Variants in TMEM201 observed in about 807,000 individuals in gnomAD.
The protein encoded by TMEM201 is transmembrane protein 201, also known as RP13-15M17.2.
TMEM201 carries 26 observed loss-of-function variants against 63.4 expected under a neutral mutation model. That is an observed-to-expected ratio of 0.41 (90% CI 0.30 to 0.57). The LOEUF is 0.57. Among genes scored for constraint, TMEM201 ranks in the 20% least tolerant of loss-of-function variants. TMEM201 has a pLI of 0.29. For missense variants in TMEM201, 794 were observed against 917.7 expected (o/e 0.87, Z 1.74); for synonymous variants, 417 against 421.6 (o/e 0.99, Z 0.14).
Position 9,602,170 on chromosome 1 carries a change from ACACGCTCAAGTTCAG to A in TMEM201, c.1062_1076del (p.Leu355_Thr359del), listed in dbSNP as rs761490756. 7.4e-6 allele frequency: 12 copies of A among 1,613,118 alleles called. No individual in the cohort carries two copies. The highest frequency in any genetic ancestry group is 2.5e-6 in the Non-Finnish European group (3 of 1,180,024). On this transcript the variant is annotated inframe_deletion, in exon 6 of 11. Transcript: ENST00000340381. ...CAGGCCGCCTCGCCTAGCTGGCTAG[ACACGCTCAAGTTCAG>A]CACCACATCTTTGTGCTGCCTGGTT...
chr1:9,601,139 T>C lies in TMEM201; in HGVS notation c.641T>C (p.Val214Ala). The C allele has an allele frequency of 6.2e-7, 1 of 1,600,622 alleles. No homozygotes were observed. The highest frequency in any genetic ancestry group is 8.6e-7 in the Non-Finnish European group (1 of 1,169,384). The change falls in exon 5 of 11, where the codon GTC becomes GCC. Residue 214 changes from valine to alanine, a missense_variant. Coordinates refer to ENST00000340381, the MANE Select transcript of TMEM201 (RefSeq NM_001130924.3). ...FSSAVKSPVQ[V>A]ILLRALAFLA... ...TCCGCCGTGAAGTCCCCGGTCCAGGTCATCCTGCTCCGTGCCCTCGCCTTC... is the reference window on the plus strand; with the variant it reads ...TCCGCCGTGAAGTCCCCGGTCCAGGCCATCCTGCTCCGTGCCCTCGCCTTC...
chr1:9,588,961 TG>T lies in TMEM201; in HGVS notation c.32del (p.Cys11SerfsTer29). 1 of 1,268,864 alleles carries T rather than the reference TG, an allele frequency of 7.9e-7. No homozygotes were observed. The highest frequency in any genetic ancestry group is 1.0e-6 in the Non-Finnish European group (1 of 989,266). 78.6% of individuals were successfully genotyped at this position (1,268,864 alleles called of 1,614,324 possible). Reference sequence around the variant, plus strand: ...GGGAGTGAGCGCGCTGCTGGCCCGCTGCCCCACGGCCGGCCTGGCCGGCGGC... The same window carrying T: ...GGGAGTGAGCGCGCTGCTGGCCCGCTCCCCACGGCCGGCCTGGCCGGCGGC... MEGVSALLARCPTAGLAGGLG... is the reference protein window; with the variant it reads MEGVSALLARXPTAGLAGGLG... On this transcript the variant is annotated frameshift_variant, in exon 1 of 11. Coordinates refer to ENST00000340381, the MANE Select transcript of TMEM201 (RefSeq NM_001130924.3). LOFTEE classifies it high-confidence loss of function.
Position 9,607,647 on chromosome 1 carries a change from G to C in TMEM201, c.1251G>C (p.Leu417=), listed in dbSNP as rs1176463224. ...GTGTCGGAGGCTCTCCAGCGTCTCTGTTCATCCCCAGCCCGCCCAGCTTCC... is the reference window on the plus strand; with the variant it reads ...GTGTCGGAGGCTCTCCAGCGTCTCTCTTCATCCCCAGCCCGCCCAGCTTCC... ...HPSVGGSPAS[L]FIPSPPSFLP... Residue 417 remains leucine, a synonymous_variant, in exon 7 of 11, where the codon CTG becomes CTC. Transcript: ENST00000340381. The surrounding 1 kb of genome is among the most constrained non-coding windows in gnomAD (Gnocchi z 5.4). The C allele has an allele frequency of 5.8e-6, 9 of 1,551,766 alleles. No homozygotes were observed. Among genetic ancestry groups the C allele is most frequent in the African/African-American group, 1.4e-5 (1 of 73,032 alleles).
rs1644307299 is a variant in TMEM201 at position 9,610,517 on chromosome 1, C to T, written c.1477C>T (p.Leu493Phe). ...CTCCCTCCCTCCAGATTACTTCTCT[C>T]TTCTGTCGGGGAGCTGCCCCTCCTC... The part of the protein sequence containing the change: ...GEFPVSDYFS[L>F]LSGSCPSSPL... The change falls in exon 9 of 11, where the codon CTT (leucine) becomes TTT (phenylalanine). Residue 493 changes from leucine to phenylalanine, a missense_variant. Coordinates refer to ENST00000340381, the MANE Select transcript of TMEM201 (RefSeq NM_001130924.3). The surrounding 1 kb of genome is among the most constrained non-coding windows in gnomAD (Gnocchi z 4.9). The T allele has an allele frequency of 6.5e-7, 1 of 1,533,496 alleles. No homozygotes were observed. Among genetic ancestry groups the T allele is most frequent in the Non-Finnish European group, 8.8e-7 (1 of 1,135,630 alleles). The allele number at this position is 1,533,496 out of a possible 1,614,324, so 95.0% of individuals were successfully genotyped here. A position where few individuals can be genotyped will look rare whatever the true frequency, so the allele number is the denominator to read the frequency against.
In TMEM201 at chr1:9,611,808, A is replaced by G. The variant is rs566637983; in HGVS notation, c.1821A>G (p.Lys607=). 4.5e-6 allele frequency: 7 copies of G among 1,551,088 alleles called. No homozygotes were observed. In the African/African-American group the frequency reaches 6.8e-5, roughly 15 times the overall value. ...CCTGCAGCAACCGCTCCATCAAGAA[A>G]GAGGACGACTCTTCCCAGTCATCTA... ...GSACSNRSIK[K]EDDSSQSSTC... The change falls in exon 10 of 11, where the codon AAA becomes AAG. Residue 607 remains lysine, a synonymous_variant. Coordinates refer to ENST00000340381, the MANE Select transcript of TMEM201 (RefSeq NM_001130924.3).
At position 9,601,262 on chromosome 1, in the gene TMEM201, A is replaced by G. The variant is rs764580565; in HGVS notation, c.764A>G (p.Asn255Ser). ...TVPLALPPGG[N>S]GSATPDNGTT... The stretch of plus-strand genomic sequence containing the variant: ...CCCCTGGCCCTGCCACCTGGTGGCA[A>G]TGGCTCAGCCACACCTGACAATGGC... The change falls in exon 5 of 11, where the codon AAT becomes AGT. Residue 255 changes from asparagine to serine, a missense_variant. Asn to Ser is a conservative substitution (Grantham distance 46, BLOSUM62 1). Coordinates refer to ENST00000340381, the MANE Select transcript of TMEM201 (RefSeq NM_001130924.3). 7.6e-5 allele frequency: 122 copies of G among 1,610,770 alleles called. No individual in the cohort carries two copies. The highest frequency in any genetic ancestry group is 3.3e-4 in the Middle Eastern group (2 of 6,082).
chr1:9,598,654 T>C, intron 4 of TMEM201, 29 bp downstream of exon 4: 1 of 1,593,296 alleles, frequency 6.3e-7, no homozygotes, highest in East Asian at 2.2e-5. Context: ...AGGGCGGGGG[T>C]GGGGGTGTTG....
chr1:9,607,921 T>G lies in TMEM201; in HGVS notation c.1393+132T>G. Reference sequence around the variant, plus strand: ...GCTGCAGAGACAGGCAGCACAGAGCTTTGAGCCTCAGTTCCCCCCAAAGAA... The same window carrying G: ...GCTGCAGAGACAGGCAGCACAGAGCGTTGAGCCTCAGTTCCCCCCAAAGAA... On this transcript the variant is annotated intron_variant, in intron 7 of 10. Transcript: ENST00000340381. The surrounding 1 kb of genome is among the most constrained non-coding windows in gnomAD (Gnocchi z 5.4). 1.1e-6 allele frequency: 1 copy of G among 879,804 alleles called. No individual in the cohort carries two copies. Among genetic ancestry groups the G allele is most frequent in the South Asian group, 1.8e-5 (1 of 55,608 alleles). The allele number at this position is 879,804 out of a possible 1,614,324, so 54.5% of individuals were successfully genotyped here. A position where few individuals can be genotyped will look rare whatever the true frequency, so the allele number is the denominator to read the frequency against.
chr1:9,603,175 CA>C lies in TMEM201; in HGVS notation c.1160+904del, dbSNP rs1644179396. The C allele has an allele frequency of 1.0e-6, 1 of 985,476 alleles. No homozygotes were observed. The highest frequency in any genetic ancestry group is 1.2e-6 in the Non-Finnish European group (1 of 830,066). 61.0% of individuals were successfully genotyped at this position (985,476 alleles called of 1,614,324 possible). A position where few individuals can be genotyped will look rare whatever the true frequency, so the allele number is the denominator to read the frequency against. On this transcript the variant is annotated intron_variant, in intron 6 of 10. Coordinates refer to ENST00000340381, the MANE Select transcript of TMEM201 (RefSeq NM_001130924.3). This position sits in a 1 kb window ranked among gnomAD's most constrained non-coding sequence, Gnocchi z 4.5. Reference sequence around the variant, plus strand: ...GTGCCTGCTCACCATGGCCCAGCGCCACTCTGTCCTCCGACTCAGGTGAGGG... The same window carrying C: ...GTGCCTGCTCACCATGGCCCAGCGCCCTCTGTCCTCCGACTCAGGTGAGGG...
chr1:9,611,954 A>C, intron 10 of TMEM201, 64 bp downstream of exon 10: 1 of 1,463,572 alleles, frequency 6.8e-7, no homozygotes. Flanking sequence ...CATCTCCCCC[A>C]GGGGGGTCCA....
In TMEM201 at chr1:9,613,057, G is replaced by T. The variant is rs543063831; in HGVS notation, c.1975G>T (p.Val659Leu). Residue 659 changes from valine to leucine, a missense_variant, in exon 11 of 11, where the codon GTG (valine) becomes TTG (leucine). Transcript: ENST00000340381. Reference protein sequence around the residue: ...SLAANALFTSVFLYQSLR With the variant: ...SLAANALFTSLFLYQSLR ...GGCCGCCAACGCCCTGTTCACCTCG[G>T]TGTTTCTGTACCAGAGCCTGCGCTG... is the stretch of plus-strand genomic sequence containing the variant. The T allele has an allele frequency of 1.3e-6, 2 of 1,551,246 alleles. No individual in the cohort carries two copies. Among genetic ancestry groups the T allele is most frequent in the African/African-American group, 2.7e-5 (2 of 73,180 alleles).
At chr1:9,596,230 C>G (rs761648325) in intron 2 of TMEM201, among the ~76,000 whole-genome samples, 1 of 152,194 alleles carries the variant, frequency 6.6e-6, no homozygotes, top group African/African-American at 2.4e-5. Context: ...AGGAGGAACC[C>G]GACGCAGGGA....
intron 4 of TMEM201, among the ~76,000 whole-genome samples, 153 bp downstream of exon 4, chr1:9,598,778 T>C (rs1449863629): frequency 1.3e-5 from 2 of 152,220 alleles, no homozygotes; most frequent in Admixed American, 6.5e-5. Context: ...AGATAAAGTT[T>C]TGCTGGGATT....
Position 9,597,066 on chromosome 1 carries a change from TG to T in TMEM201, c.429+16del. The T allele has an allele frequency of 6.3e-7, 1 of 1,592,660 alleles. No individual in the cohort carries two copies. Reference sequence around the variant, plus strand: ...TCCCCGCGAGGAGGTGAGGCCGGGTTGGGAGGGCAGGGGTCCTGGCTGGGGC... The same window carrying T: ...TCCCCGCGAGGAGGTGAGGCCGGGTTGGAGGGCAGGGGTCCTGGCTGGGGC... On this transcript the variant is annotated intron_variant, in intron 3 of 10. Transcript: ENST00000340381.
At chr1:9,612,810 T>C (rs1010237034) in intron 10 of TMEM201, among the ~76,000 whole-genome samples, 176 bp from the exon 11 acceptor site, 6 of 152,312 alleles carry the variant, frequency 3.9e-5, no homozygotes, top group Non-Finnish European at 2.9e-5. Flanking sequence ...TGGGGGTCTT[T>C]CCTGCTAGGG....
At position 9,607,600 on chromosome 1, in the gene TMEM201, A is replaced by G. The variant is rs1239614845; in HGVS notation, c.1204A>G (p.Ser402Gly). ...TGCCGGCCTTTTCCCCACCAGCCCCAGCTTGGCCATCCCTCACCCGAGTGT... is the reference window on the plus strand; with the variant it reads ...TGCCGGCCTTTTCCCCACCAGCCCCGGCTTGGCCATCCCTCACCCGAGTGT... Reference protein sequence around the residue: ...DSAGLFPTSPSLAIPHPSVGG... With the variant: ...DSAGLFPTSPGLAIPHPSVGG... Residue 402 changes from serine (S) to glycine (G), a missense_variant, in exon 7 of 11, where the codon AGC (serine) becomes GGC (glycine). By Grantham distance (56) the Ser-to-Gly change is moderately conservative. Transcript: ENST00000340381. This position sits in a 1 kb window ranked among gnomAD's most constrained non-coding sequence, Gnocchi z 5.4. The G allele has an allele frequency of 3.9e-6, 6 of 1,551,468 alleles. No individual in the cohort carries two copies. The East Asian group carries it at 7.3e-5, about 19-fold the overall frequency.
chr1:9,613,035 C>A lies in TMEM201; in HGVS notation c.1953C>A (p.Ala651=). ...LVRGLLAVSL[A]ANALFTSVFL... ...GGGGCCTCCTGGCCGTGAGCTTGGC[C>A]GCCAACGCCCTGTTCACCTCGGTGT... is the stretch of plus-strand genomic sequence containing the variant. Residue 651 remains alanine, a synonymous_variant, in exon 11 of 11, where the codon GCC becomes GCA. Coordinates refer to ENST00000340381, the MANE Select transcript of TMEM201 (RefSeq NM_001130924.3). 6.4e-7 allele frequency: 1 copy of A among 1,551,516 alleles called. No homozygotes were observed. The highest frequency in any genetic ancestry group is 8.7e-7 in the Non-Finnish European group (1 of 1,147,008).
chr1:9,595,988 A>G lies in TMEM201; in HGVS notation c.212A>G (p.Glu71Gly). ...NRNCWDCPHC[E>G]QYNGFQENGD... ...AACTGCTGGGACTGTCCCCACTGCG[A>G]GCAGTACAACGGCTTCCAGGAGGTG... The change falls in exon 2 of 11, where the codon GAG becomes GGG. Residue 71 changes from glutamate (E) to glycine (G), a missense_variant. Coordinates refer to ENST00000340381, the MANE Select transcript of TMEM201 (RefSeq NM_001130924.3). The G allele has an allele frequency of 6.2e-7, 1 of 1,613,124 alleles. No individual in the cohort carries two copies. The highest frequency in any genetic ancestry group is 8.5e-7 in the Non-Finnish European group (1 of 1,179,994).
chr1:9,596,111 A>C, intron 2 of TMEM201, 101 bp downstream of exon 2: 2 of 1,450,714 alleles, frequency 1.4e-6, no homozygotes, highest in East Asian at 2.5e-5. Flanking sequence ...CCCGGGGCTC[A>C]TGGACCCCAC....
Sources: gnomAD v4.1 joint callset for allele counts (sites outside exome capture counted in the v4.1 genomes callset) on GRCh38, gnomAD v4.1.1 for gene constraint, Gnocchi (gnomAD v3.1) non-coding constraint, MANE v1.5 for transcripts, NCBI Gene and HGNC (gene_info 2026-07-23, HGNC 2026-07-21) for gene names.